SATL1: variants seen among roughly 807,000 people sequenced by gnomAD.
SATL1 encodes spermidine/spermine N1-acetyl transferase like 1, also known as spermidine/spermine N(1)-acetyltransferase-like protein 1.
In SATL1, 47 loss-of-function variants were observed where a neutral mutation model predicts 51.8. The observed-to-expected ratio is 0.91, with a 90% CI of 0.72 to 1.16. The LOEUF is 1.16. Ranked by LOEUF, SATL1 falls within the 50% of genes most tolerant of loss-of-function variation. The pLI is 0.00. For missense variants in SATL1, 520 were observed against 526.4 expected, an observed-to-expected ratio of 0.99 and a Z score of 0.12; for synonymous variants, 176 against 182.4, an observed-to-expected ratio of 0.97 and a Z score of 0.28.
chrX:85,111,263 T>A (rs963557682), intron 2 of SATL1, among the ~76,000 whole-genome samples: 7 of 112,260 alleles, frequency 6.2e-5, no homozygotes, highest in Middle Eastern at 4.2e-3. Flanking sequence ...TATTTTGCAT[T>A]TTCTTTACAT....
intron 4 of SATL1, 21 bp downstream of exon 4, chrX:85,103,843 A>C: frequency 8.7e-7 from 1 of 1,143,343 alleles, no homozygotes; most frequent in Non-Finnish European, 1.2e-6. Flanking sequence ...CTTGCTCTGA[A>C]AATACCACAA....
chrX:85,149,379 C>A (rs952003675), intron 2 of SATL1, among the ~76,000 whole-genome samples: 14 of 111,352 alleles, frequency 1.3e-4, no homozygotes, highest in African/African-American at 4.6e-4. Flanking sequence ...GACTTTAACA[C>A]CCCACTGTCA....
chrX:85,236,154 G>C (rs1367468469), intron 1 of SATL1, among the ~76,000 whole-genome samples: 1 of 111,244 alleles, frequency 9.0e-6, no homozygotes, highest in African/African-American at 3.2e-5. Flanking sequence ...TTCAAAAGCT[G>C]AACAAACCAA....
Position 85,207,846 on chromosome X carries a change from G to A in SATL1, c.-313+16359C>T, listed in dbSNP as rs367579629. On this transcript the variant is annotated intron_variant, in intron 2 of 7. Coordinates refer to ENST00000644105, the MANE Select transcript of SATL1 (RefSeq NM_001367857.2). The stretch of plus-strand genomic sequence containing the variant: ...CATGGGGAGGCTCAGCTTTGGGTCC[G>A]CCAATTGTGACTTCAAAGTAGGGTG... 2.2e-4 allele frequency: 26 copies of A among 120,586 alleles called. No homozygotes were observed. In the East Asian group the frequency reaches 3.7e-3, roughly 17 times the overall value. The allele number at this position is 120,586 out of a possible 1,213,427, so 9.9% of individuals were successfully genotyped here.
At chrX:85,148,549 T>TAAG (rs1926326744) in intron 2 of SATL1, among the ~76,000 whole-genome samples, 1 of 110,648 alleles carries the variant, frequency 9.0e-6, no homozygotes, top group African/African-American at 3.3e-5. Context: ...GAAAAAATGT[T>TAAG]AAGGGCAGCC....
intron 2 of SATL1, among the ~76,000 whole-genome samples, chrX:85,162,541 G>C (rs1275569077): frequency 9.0e-6 from 1 of 111,175 alleles, no homozygotes; most frequent in Non-Finnish European, 1.9e-5. Context: ...TCTTTCTCTT[G>C]TCTGATTTCT....
chrX:85,156,992 G>A (rs1926614930), intron 2 of SATL1, among the ~76,000 whole-genome samples: 1 of 106,490 alleles, frequency 9.4e-6, no homozygotes, highest in Non-Finnish European at 1.9e-5. Context: ...AAGAGTAAGA[G>A]GGGTATGTGT....
chrX:85,229,071 C>T (rs761291336), intron 1 of SATL1, among the ~76,000 whole-genome samples: 1 of 111,547 alleles, frequency 9.0e-6, no homozygotes, highest in Non-Finnish European at 1.9e-5. Flanking sequence ...CTCTTTATCT[C>T]TACTCCACAT....
intron 2 of SATL1, among the ~76,000 whole-genome samples, chrX:85,141,744 TACTC>T (rs1285749221): frequency 9.1e-6 from 1 of 110,123 alleles, no homozygotes; most frequent in Admixed American, 9.7e-5. Context: ...AATCAAGAGA[TACTC>T]AGCCTCCTGT....
In SATL1 at chrX:85,108,189, A is replaced by G. The variant is rs773645263; in HGVS notation, c.780T>C (p.Gly260=). The G allele has an allele frequency of 3.3e-6, 4 of 1,210,927 alleles. No individual in the cohort carries two copies. Among genetic ancestry groups the G allele is most frequent in the Non-Finnish European group, 4.5e-6 (4 of 895,298 alleles). ...GTAAGCTTGGGCTTGGCTGGATTAT[A>G]CCTGTTTGGTTGGAATCTGATAAAC... The part of the protein sequence containing the change: ...QSSLSDSNQT[G]IIQPSPSLLG... The change falls in exon 3 of 8, where the codon GGT becomes GGC. Residue 260 remains glycine, a synonymous_variant. Coordinates refer to ENST00000644105, the MANE Select transcript of SATL1 (RefSeq NM_001367857.2).
chrX:85,203,265 G>T (rs1927723287), intron 2 of SATL1, among the ~76,000 whole-genome samples: 1 of 111,342 alleles, frequency 9.0e-6, no homozygotes, highest in Non-Finnish European at 1.9e-5. Context: ...GGAGACCCCA[G>T]TTGAGAGGTC....
intron 2 of SATL1, among the ~76,000 whole-genome samples, chrX:85,139,699 A>G (rs1208389372): frequency 9.0e-6 from 1 of 111,727 alleles, no homozygotes; most frequent in African/African-American, 3.2e-5. Flanking sequence ...CCTCAGATTA[A>G]TCTCATTTTC....
chrX:85,220,512 T>C (rs1037162066), intron 2 of SATL1, among the ~76,000 whole-genome samples: 3 of 106,226 alleles, frequency 2.8e-5, no homozygotes, highest in African/African-American at 1.0e-4. Context: ...CCTCTTGAGG[T>C]GAAGAGAGGG....
intron 2 of SATL1, among the ~76,000 whole-genome samples, chrX:85,180,417 T>G (rs1927175539): frequency 9.0e-6 from 1 of 111,209 alleles, no homozygotes; most frequent in South Asian, 3.8e-4. Flanking sequence ...TTATATGGTA[T>G]AGCCTATTGT....
chrX:85,151,729 T>C (rs1294483645), intron 2 of SATL1, among the ~76,000 whole-genome samples: 1 of 111,705 alleles, frequency 9.0e-6, no homozygotes, highest in African/African-American at 3.3e-5. Flanking sequence ...GAATTCCCTA[T>C]TTAATAAATG....
chrX:85,213,757 A>G (rs1016291884), intron 2 of SATL1, among the ~76,000 whole-genome samples: 2 of 111,672 alleles, frequency 1.8e-5, no homozygotes, highest in Non-Finnish European at 3.8e-5. Flanking sequence ...CTTAGCATAT[A>G]TTAGGAAAGA....
chrX:85,200,790 GT>G (rs1426246615), intron 2 of SATL1, among the ~76,000 whole-genome samples: 1 of 110,564 alleles, frequency 9.0e-6, no homozygotes, highest in Non-Finnish European at 1.9e-5. Context: ...TACATTAAAA[GT>G]TTTACACAGG....
intron 2 of SATL1, among the ~76,000 whole-genome samples, chrX:85,222,355 T>C (rs1329864865): frequency 8.9e-6 from 1 of 111,961 alleles, no homozygotes; most frequent in Admixed American, 9.5e-5. Flanking sequence ...TATTATCTGC[T>C]ATAGCCTAGT....
At chrX:85,093,996 G>T (rs933621741) in intron 6 of SATL1, 132 bp downstream of exon 6, 1 of 404,787 alleles carries the variant, frequency 2.5e-6, no homozygotes, top group East Asian at 4.0e-5. Context: ...TTAGGATAGT[G>T]ATCAAACTCA....
Sources: allele counts gnomAD v4.1 joint callset (sites outside exome capture counted in the v4.1 genomes callset), GRCh38; gene constraint gnomAD v4.1.1; transcripts MANE v1.5; gene names NCBI Gene and HGNC (gene_info 2026-07-23, HGNC 2026-07-21).